Variants in CRACD observed in about 807,000 individuals in gnomAD.
CRACD encodes the protein capping protein inhibiting regulator of actin dynamics.
In CRACD, 56 loss-of-function variants were observed where a neutral mutation model predicts 106.8. The ratio of observed to expected loss-of-function variants is 0.52; its 90% CI spans 0.42 to 0.66. CRACD has a LOEUF of 0.66. Ranked by LOEUF, CRACD falls within the 30% of genes least tolerant of loss-of-function variation. CRACD has a pLI of 0.00. For synonymous variants in CRACD, 754 were observed against 670.8 expected (o/e 1.12, Z -1.92); for missense variants, 1,730 against 1,623.2 (o/e 1.07, Z -1.13).
chr4:56,157,457 G>A (rs1197242360), intron 1 of CRACD, among the ~76,000 whole-genome samples: 2 of 152,150 alleles, frequency 1.3e-5, no homozygotes, highest in Admixed American at 1.3e-4. Flanking sequence ...ACAAATGAGT[G>A]AATGAATGGA....
chr4:56,323,536 C>A lies in CRACD; in HGVS notation c.3347C>A (p.Ala1116Asp), dbSNP rs774433500. 65 of 1,589,398 alleles carry A rather than the reference C, an allele frequency of 4.1e-5. No homozygotes were observed. The highest frequency in any genetic ancestry group is 2.7e-4 in the Admixed American group (14 of 51,454). The change falls in exon 9 of 11, where the codon GCC becomes GAC. Residue 1116 changes from alanine (A) to aspartate (D), a missense_variant. Coordinates refer to ENST00000682029, the MANE Select transcript of CRACD (RefSeq NM_001393381.1). The part of the protein sequence containing the change: ...TREERKQARE[A>D]KQAEKLSKEN... The stretch of plus-strand genomic sequence containing the variant: ...GAGGAGAGAAAGCAAGCCAGAGAGG[C>A]CAAACAGGCAGAAAAGCTCTCCAAA...
rs1347219113 is a variant in CRACD at position 56,307,562 on chromosome 4, G to A, written c.148G>A (p.Gly50Arg). The A allele has an allele frequency of 1.2e-6, 2 of 1,614,024 alleles. No homozygotes were observed. Among genetic ancestry groups the A allele is most frequent in the African/African-American group, 2.7e-5 (2 of 74,916 alleles). ...QQQLGKNIKF[G>R]QRSPNAIPMN... ...ACAGTTGGGCAAGAATATCAAGTTT[G>A]GGCAGCGGTCACCCAATGCCATTCC... is the stretch of plus-strand genomic sequence containing the variant. The change falls in exon 5 of 11, where the codon GGG (glycine) becomes AGG (arginine). Residue 50 changes from glycine to arginine, a missense_variant. Gly to Arg is a moderately radical substitution (Grantham distance 125). Around this residue, in one of 5 missense-constraint regions of CRACD, gnomAD observed 1,620 missense variants for 1,481.6 expected, o/e 1.09. Transcript: ENST00000682029.
rs538421419 is a variant in CRACD at position 56,314,177 on chromosome 4, A to T, written c.675A>T (p.Glu225Asp). 1.2e-6 allele frequency: 2 copies of T among 1,613,590 alleles called. No individual in the cohort carries two copies. The highest frequency in any genetic ancestry group is 4.5e-5 in the East Asian group (2 of 44,864). Residue 225 changes from glutamate to aspartate, a missense_variant, in exon 8 of 11, where the codon GAA (glutamate) becomes GAT (aspartate). Physicochemically the swap from Glu to Asp is conservative, Grantham distance 45 (BLOSUM62 2). Around this residue, in one of 5 missense-constraint regions of CRACD, gnomAD observed 1,620 missense variants for 1,481.6 expected, o/e 1.09. Transcript: ENST00000682029. The surrounding 1 kb of genome is among the most constrained non-coding windows in gnomAD (Gnocchi z 4.4). ...CCGAGGAAGAGAGAAGACGCCAAGA[A>T]GACTACTGGCGAGAACTGGAGGCCA... is the stretch of plus-strand genomic sequence containing the variant. ...LDSEEERRRQ[E>D]DYWRELEAKC... is the part of the protein sequence containing the mutation.
intron 2 of CRACD, among the ~76,000 whole-genome samples, chr4:56,221,117 G>C (rs1428405994): frequency 1.3e-5 from 2 of 152,138 alleles, no homozygotes; most frequent in Admixed American, 6.5e-5. Flanking sequence ...CCAAGCTAGG[G>C]AGTTGAACTT....
chr4:56,170,909 GA>G (rs1736336537), intron 1 of CRACD, among the ~76,000 whole-genome samples: 1 of 152,092 alleles, frequency 6.6e-6, no homozygotes, highest in African/African-American at 2.4e-5. Flanking sequence ...TTAACACAAG[GA>G]TAATTGGCTG....
In CRACD at chr4:56,096,807, G is replaced by A. The variant is rs545878143; in HGVS notation, c.-336+47508G>A. Reference sequence around the variant, plus strand: ...GACAGATGGCCTGGAATTAGCTTAAGTGATAATAGAAGGAGTTGAATTGGA... The same window carrying A: ...GACAGATGGCCTGGAATTAGCTTAAATGATAATAGAAGGAGTTGAATTGGA... On this transcript the variant is annotated intron_variant, in intron 1 of 10. Transcript: ENST00000682029. Among the ~76,000 whole-genome samples, 6 of 152,308 alleles carry A rather than the reference G, an allele frequency of 3.9e-5. No individual in the cohort carries two copies. The South Asian group carries it at 8.3e-4, about 21-fold the overall frequency.
intron 1 of CRACD, among the ~76,000 whole-genome samples, chr4:56,123,896 A>G (rs184129815): frequency 2.0e-4 from 31 of 152,276 alleles, no homozygotes; most frequent in African/African-American, 6.0e-4. Flanking sequence ...TTCCTGACTA[A>G]CCACACCTTG....
intron 1 of CRACD, among the ~76,000 whole-genome samples, chr4:56,162,252 G>C (rs1735987573): frequency 6.6e-6 from 1 of 151,490 alleles, no homozygotes; most frequent in South Asian, 2.1e-4. Context: ...TGGAGTGCAG[G>C]GGTACAATCA....
chr4:56,301,332 C>A, intron 4 of CRACD: 2 of 946,154 alleles, frequency 2.1e-6, no homozygotes, highest in Non-Finnish European at 2.9e-6. Context: ...GGTATTGATG[C>A]TTAGTAAGCA....
At chr4:56,136,951 C>T (rs766064599) in intron 1 of CRACD, among the ~76,000 whole-genome samples, 1 of 152,160 alleles carries the variant, frequency 6.6e-6, no homozygotes, top group Non-Finnish European at 1.5e-5. Flanking sequence ...ATGGATTGAG[C>T]AAGGTTTATT....
chr4:56,116,620 T>C (rs1175426744), intron 1 of CRACD, among the ~76,000 whole-genome samples: 3 of 152,242 alleles, frequency 2.0e-5, no homozygotes, highest in South Asian at 4.1e-4. Context: ...AGCCTCCTTA[T>C]TGTAAGTAAA....
intron 2 of CRACD, among the ~76,000 whole-genome samples, chr4:56,220,727 AAAT>A (rs1439857255): frequency 4.6e-5 from 7 of 152,144 alleles, no homozygotes; most frequent in Non-Finnish European, 8.8e-5. Context: ...TGACTAGTAC[AAAT>A]AATAATATGG....
intron 2 of CRACD, among the ~76,000 whole-genome samples, chr4:56,190,014 C>T: frequency 7.3e-6 from 1 of 136,816 alleles, no homozygotes; most frequent in Non-Finnish European, 1.5e-5. Context: ...GTTCCCCTTC[C>T]TGTGTCCATG....
chr4:56,127,430 T>A (rs1451483129), intron 1 of CRACD, among the ~76,000 whole-genome samples: 5 of 152,186 alleles, frequency 3.3e-5, no homozygotes, highest in Non-Finnish European at 7.4e-5. Flanking sequence ...TTTCTTTTTT[T>A]AAGAACAAGA....
At chr4:56,168,832 A>G (rs1345578100) in intron 1 of CRACD, among the ~76,000 whole-genome samples, 1 of 152,126 alleles carries the variant, frequency 6.6e-6, no homozygotes, top group Non-Finnish European at 1.5e-5. Context: ...AGGAATGCAG[A>G]AAGATTTTCC....
Position 56,160,330 on chromosome 4 carries a change from G to A in CRACD, c.-335-18954G>A, listed in dbSNP as rs146710720. ...CCTGAATAGCTTGAATTACAGGCAT[G>A]TGCCACCACATCTGGCTAATTTTTG... On this transcript the variant is annotated intron_variant, in intron 1 of 10. Transcript: ENST00000682029. Among the ~76,000 whole-genome samples the A allele has an allele frequency of 2.7e-3, 415 of 151,758 alleles. 2 individuals carry two copies. The highest frequency in any genetic ancestry group is 4.7e-3 in the Non-Finnish European group (320 of 67,962).
At chr4:56,193,323 G>A (rs900366064) in intron 2 of CRACD, among the ~76,000 whole-genome samples, 1 of 152,086 alleles carries the variant, frequency 6.6e-6, no homozygotes, top group Non-Finnish European at 1.5e-5. Flanking sequence ...TTGTAGGGGG[G>A]CACACAGAGC....
At chr4:56,049,389 C>G (rs1483454361) in intron 1 of CRACD, 90 bp downstream of exon 1, 2 of 152,016 alleles carry the variant, frequency 1.3e-5, no homozygotes, top group African/African-American at 2.4e-5. Context: ...GGGCCGGGCC[C>G]CCGCAGCGCC....
At chr4:56,286,715 G>T (rs771622786) in intron 3 of CRACD, among the ~76,000 whole-genome samples, 1 of 151,948 alleles carries the variant, frequency 6.6e-6, no homozygotes, top group African/African-American at 2.4e-5. Flanking sequence ...ATTTATTTCT[G>T]CAGATTCCCG....
Sources: allele counts gnomAD v4.1 joint callset (sites outside exome capture counted in the v4.1 genomes callset), GRCh38; gene constraint gnomAD v4.1.1; regional missense constraint gnomAD v4.1.1; non-coding constraint Gnocchi (gnomAD v3.1); transcripts MANE v1.5; gene names NCBI Gene and HGNC (gene_info 2026-07-23, HGNC 2026-07-21).